Variants in GMCL1 observed in about 807,000 individuals in gnomAD.
The protein encoded by GMCL1 is germ cell-less 1, spermatogenesis associated, also known as germ cell-less protein-like 1.
A neutral mutation model predicts 75.5 loss-of-function variants in GMCL1; 54 were observed. The ratio of observed to expected loss-of-function variants is 0.71; its 90% CI spans 0.57 to 0.90. The LOEUF is 0.90. Among genes scored for constraint, GMCL1 ranks in the 40% least tolerant of loss-of-function variants. GMCL1 has a pLI of 0.00. For missense variants in GMCL1, 537 were observed against 622.7 expected (o/e 0.86, Z 1.47); for synonymous variants, 210 against 209.6 (o/e 1.00, Z -0.02).
chr2:69,849,807 G>A (rs1675260389), intron 8 of GMCL1, 65 bp downstream of exon 8: 3 of 905,094 alleles, frequency 3.3e-6, no homozygotes, highest in South Asian at 3.6e-5. Flanking sequence ...GGCCCCATGA[G>A]AACAGAAAAT....
At chr2:69,841,891 C>CT (rs1354652455) in intron 4 of GMCL1, among the ~76,000 whole-genome samples, 5 of 152,100 alleles carry the variant, frequency 3.3e-5, no homozygotes, top group Admixed American at 3.3e-4. Flanking sequence ...ATTCAAGACT[C>CT]TAACAGAAAC....
chr2:69,835,769 G>A (rs374355871), intron 1 of GMCL1, among the ~76,000 whole-genome samples: 4 of 152,260 alleles, frequency 2.6e-5, no homozygotes, highest in South Asian at 4.1e-4. Flanking sequence ...TGTTTCCTTC[G>A]AATTTAAAAT....
intron 11 of GMCL1, among the ~76,000 whole-genome samples, chr2:69,866,620 A>G (rs1675825891): frequency 6.6e-6 from 1 of 152,098 alleles, no homozygotes; most frequent in South Asian, 2.1e-4. Context: ...CACCACAGCC[A>G]GCTAATTTTA....
chr2:69,853,284 C>T (rs1675371642), intron 8 of GMCL1, among the ~76,000 whole-genome samples: 2 of 152,172 alleles, frequency 1.3e-5, no homozygotes, highest in Admixed American at 1.3e-4. Context: ...TATAAATCCA[C>T]TGTCACACAC....
chr2:69,839,380 T>C lies in GMCL1; in HGVS notation c.385-77T>C, dbSNP rs149322788. ...TTTAGTTAATGGATAGAATAGTTGCTTAGAATTAGAAATGGGCAAATAATT... is the reference window on the plus strand; with the variant it reads ...TTTAGTTAATGGATAGAATAGTTGCCTAGAATTAGAAATGGGCAAATAATT... On this transcript the variant is annotated intron_variant, in intron 2 of 13. Coordinates refer to ENST00000282570, the MANE Select transcript of GMCL1 (RefSeq NM_178439.5). 568 of 837,354 alleles carry C rather than the reference T, an allele frequency of 6.8e-4. No homozygotes were observed. In the African/African-American group the frequency reaches 8.9e-3, roughly 13 times the overall value. 51.9% of individuals were successfully genotyped at this position (837,354 alleles called of 1,614,324 possible). A position where few individuals can be genotyped will look rare whatever the true frequency, so the allele number is the denominator to read the frequency against.
intron 9 of GMCL1, among the ~76,000 whole-genome samples, chr2:69,856,810 T>C (rs1277042701): frequency 6.6e-6 from 1 of 152,072 alleles, no homozygotes; most frequent in Non-Finnish European, 1.5e-5. Flanking sequence ...GAGCCTGTTT[T>C]CTCTTCTGAC....
rs2104088474 is a variant in GMCL1 at position 69,880,209 on chromosome 2, GAATCATTTTTATGTATCTGTGCA to G, written c.*1209_*1231del. The stretch of plus-strand genomic sequence containing the variant: ...ATTTTTATTATGGTTTTTAAAATGG[GAATCATTTTTATGTATCTGTGCA>G]AATAATAAATGCCCATTTGGAAAAA... On this transcript the variant is annotated 3_prime_UTR_variant, in exon 14 of 14. Transcript: ENST00000282570. The G allele has an allele frequency of 6.6e-6, 1 of 152,058 alleles. No homozygotes were observed. The highest frequency in any genetic ancestry group is 1.5e-5 in the Non-Finnish European group (1 of 67,986). The allele number at this position is 152,058 out of a possible 1,614,324, so 9.4% of individuals were successfully genotyped here.
chr2:69,843,495 C>T (rs1041944076), intron 5 of GMCL1, among the ~76,000 whole-genome samples: 1 of 152,214 alleles, frequency 6.6e-6, no homozygotes, highest in African/African-American at 2.4e-5. Context: ...TTATAAAAAC[C>T]ATGGTCACCT....
intron 1 of GMCL1, 120 bp from the exon 2 acceptor site, chr2:69,837,427 A>G (rs1674850014): frequency 1.2e-6 from 1 of 820,968 alleles, no homozygotes; most frequent in Non-Finnish European, 1.8e-6. Flanking sequence ...CCTTTTACAC[A>G]ATAGGTAAGT....
chr2:69,863,815 A>T (rs1196338920), intron 10 of GMCL1, among the ~76,000 whole-genome samples: 2 of 152,222 alleles, frequency 1.3e-5, no homozygotes, highest in Non-Finnish European at 2.9e-5. Flanking sequence ...CTAAATGTGC[A>T]CTAAATTCTT....
At chr2:69,847,129 GC>G (rs1050073651) in intron 6 of GMCL1, among the ~76,000 whole-genome samples, 1 of 151,862 alleles carries the variant, frequency 6.6e-6, no homozygotes, top group South Asian at 2.1e-4. Flanking sequence ...ACTATGCCTG[GC>G]CTTTTTTTAA....
rs1210586762 is a variant in GMCL1, at chr2:69,849,511, C to CT, written c.844-138dup. On this transcript the variant is annotated intron_variant, in intron 7 of 13. Coordinates refer to ENST00000282570, the MANE Select transcript of GMCL1 (RefSeq NM_178439.5). ...GATAAATTGAGTGCTTATAGTTGTA[C>CT]TTTCTTTCTTGCAATTGCTGGTAAA... 31 of 556,584 alleles carry CT rather than the reference C, an allele frequency of 5.6e-5. No homozygotes were observed. In the African/African-American group the frequency reaches 6.1e-4, roughly 11 times the overall value. The allele number at this position is 556,584 out of a possible 1,614,324, so 34.5% of individuals were successfully genotyped here.
chr2:69,830,148 C>G lies in GMCL1; in HGVS notation c.256C>G (p.Arg86Gly). ...GCAGCAGCGGCTCCTCAACACCCCT[C>G]GAAGGTACGTGGGGGCACGCACCCG... ...DEQQRLLNTP[R>G]RKKLKSTSKY... The change falls in exon 1 of 14, where the codon CGA becomes GGA. Residue 86 changes from arginine (R) to glycine (G), a missense_variant. Transcript: ENST00000282570. 1 of 1,561,836 alleles carries G rather than the reference C, an allele frequency of 6.4e-7. No individual in the cohort carries two copies. Among genetic ancestry groups the G allele is most frequent in the Non-Finnish European group, 8.7e-7 (1 of 1,152,828 alleles).
In GMCL1 at chr2:69,842,827, C is replaced by T. The variant is rs72895269; in HGVS notation, c.580-322C>T. The T allele has an allele frequency of 5.1e-3, 835 of 165,278 alleles. 9 individuals carry two copies. Among genetic ancestry groups the T allele is most frequent in the African/African-American group, 0.019 (803 of 41,832 alleles). The allele number at this position is 165,278 out of a possible 1,614,324, so 10.2% of individuals were successfully genotyped here. On this transcript the variant is annotated intron_variant, in intron 4 of 13. Coordinates refer to ENST00000282570, the MANE Select transcript of GMCL1 (RefSeq NM_178439.5). Reference sequence around the variant, plus strand: ...AAATGGCAAAACAGACAAAATGCTGCTAAAGAAATTTGCAAAGGTCTCAGA... The same window carrying T: ...AAATGGCAAAACAGACAAAATGCTGTTAAAGAAATTTGCAAAGGTCTCAGA...
At chr2:69,850,898 G>A (rs925854214) in intron 8 of GMCL1, among the ~76,000 whole-genome samples, 3 of 152,148 alleles carry the variant, frequency 2.0e-5, no homozygotes, top group African/African-American at 7.2e-5. Context: ...ATGGAACTAT[G>A]TCACATTGTG....
At chr2:69,846,443 T>C (rs1675148061) in intron 6 of GMCL1, among the ~76,000 whole-genome samples, 1 of 152,228 alleles carries the variant, frequency 6.6e-6, no homozygotes, top group South Asian at 2.1e-4. Context: ...TATGAGAGGA[T>C]GTGCATAGGT....
chr2:69,833,905 T>C (rs1293013059), intron 1 of GMCL1, among the ~76,000 whole-genome samples: 2 of 152,346 alleles, frequency 1.3e-5, no homozygotes, highest in Admixed American at 6.5e-5. Context: ...TACATAGTTA[T>C]AACTAAGTAA....
chr2:69,871,883 C>G (rs750240738), intron 13 of GMCL1, 51 bp downstream of exon 13: 3 of 1,155,026 alleles, frequency 2.6e-6, no homozygotes, highest in Admixed American at 2.2e-5. Flanking sequence ...TCTTTTGAAT[C>G]CTCTTTTGAA....
rs1469633222 is a variant in GMCL1 at position 69,879,282 on chromosome 2, A to C, written c.*278A>C. 1 of 209,264 alleles carries C rather than the reference A, an allele frequency of 4.8e-6. No individual in the cohort carries two copies. Among genetic ancestry groups the C allele is most frequent in the East Asian group, 1.1e-4 (1 of 9,080 alleles). 13.0% of individuals were successfully genotyped at this position (209,264 alleles called of 1,614,324 possible). ...TAGAACGATGTCAATTCATGCTTTT[A>C]ATTTAGCATCAATAGAAAATTGCTG... On this transcript the variant is annotated 3_prime_UTR_variant, in exon 14 of 14. Coordinates refer to ENST00000282570, the MANE Select transcript of GMCL1 (RefSeq NM_178439.5).
Sources: allele counts gnomAD v4.1 joint callset (sites outside exome capture counted in the v4.1 genomes callset), GRCh38; gene constraint gnomAD v4.1.1; transcripts MANE v1.5; gene names NCBI Gene and HGNC (gene_info 2026-07-23, HGNC 2026-07-21).